ACSM3: variants seen among roughly 807,000 people sequenced by gnomAD.
ACSM3 encodes acyl-coenzyme A synthetase ACSM3, mitochondrial.
In ACSM3, 61 loss-of-function variants were observed where a neutral mutation model predicts 74.1. The ratio of observed to expected loss-of-function variants is 0.82; its 90% CI spans 0.67 to 1.02. ACSM3 has a LOEUF of 1.02. Among genes scored for constraint, ACSM3 ranks in the 50% least tolerant of loss-of-function variants. The pLI is 0.00. For synonymous variants in ACSM3, 213 were observed against 241.5 expected (o/e 0.88, Z 1.09); for missense variants, 660 against 697.0 (o/e 0.95, Z 0.60).
rs1465574328 is a variant in ACSM3 at position 20,775,880 on chromosome 16, C to T, written c.261C>T (p.Asn87=). The T allele has an allele frequency of 1.2e-6, 2 of 1,614,016 alleles. No individual in the cohort carries two copies. The highest frequency in any genetic ancestry group is 1.7e-6 in the Non-Finnish European group (2 of 1,180,026). ...KPSNPAFWWI[N]RNGEEMRWSF... ...CAAATCCAGCCTTCTGGTGGATCAA[C>T]AGAAATGGAGAAGAGATGCGATGGA... Residue 87 remains asparagine (N), a synonymous_variant, in exon 3 of 14, where the codon AAC becomes AAT. Coordinates refer to ENST00000289416, the MANE Select transcript of ACSM3 (RefSeq NM_005622.4).
intron 1 of ACSM3, among the ~76,000 whole-genome samples, chr16:20,709,714 A>C (rs909088042): frequency 1.3e-5 from 2 of 152,226 alleles, no homozygotes; most frequent in South Asian, 2.1e-4. Flanking sequence ...AGAAGGGATG[A>C]TATTTAAAAG....
In ACSM3 at chr16:20,693,488, G is replaced by A. The variant is rs150403604; in HGVS notation, c.-190+18666G>A. The stretch of plus-strand genomic sequence containing the variant: ...TTTCTCAAACAGCTTTGAGATTGAA[G>A]CACTTTATCATCATGAACATTTAAG... On this transcript the variant is annotated intron_variant, in intron 1 of 3. Coordinates refer to the ACSM3 transcript ENST00000561584. Among the ~76,000 whole-genome samples, 3 of 152,302 alleles carry A rather than the reference G, an allele frequency of 2.0e-5. No individual in the cohort carries two copies. The East Asian group carries it at 5.8e-4, about 29-fold the overall frequency.
intron 1 of ACSM3, among the ~76,000 whole-genome samples, chr16:20,707,196 C>G (rs959847395): frequency 6.6e-6 from 1 of 152,160 alleles, no homozygotes; most frequent in Non-Finnish European, 1.5e-5. Flanking sequence ...CATAGCAGAT[C>G]CTGAAAAGGC....
intron 1 of ACSM3, chr16:20,718,573 C>T (rs1377489851): frequency 8.7e-6 from 2 of 229,680 alleles, no homozygotes; most frequent in East Asian, 8.5e-5. Context: ...CGATACTTCT[C>T]CTTGAATTGC....
intron 2 of ACSM3, 132 bp downstream of exon 2, chr16:20,770,385 C>G (rs2080178056): frequency 1.4e-6 from 1 of 731,646 alleles, no homozygotes; most frequent in East Asian, 2.7e-5. Context: ...TGGCATCTAA[C>G]AGGTAAAAGC....
chr16:20,757,208 C>T (rs1365703105), intron 3 of ACSM3, among the ~76,000 whole-genome samples: 1 of 152,196 alleles, frequency 6.6e-6, no homozygotes, highest in African/African-American at 2.4e-5. Flanking sequence ...GGCATTGAAT[C>T]TATACATTAC....
rs554872405 is a variant in ACSM3, at chr16:20,786,430, C to T, written c.1224+272C>T. 2.0e-4 allele frequency: 117 copies of T among 571,430 alleles called. 1 individual carries two copies. The South Asian group carries it at 8.2e-3, about 40-fold the overall frequency. 35.4% of individuals were successfully genotyped at this position (571,430 alleles called of 1,614,324 possible). A position where few individuals can be genotyped will look rare whatever the true frequency, so the allele number is the denominator to read the frequency against. The stretch of plus-strand genomic sequence containing the variant: ...ATGCAGTGGCTCACGCCTGTAATCC[C>T]AACACTTTGGGAGGCCAAGGCGGGA... On this transcript the variant is annotated intron_variant, in intron 9 of 13. Transcript: ENST00000289416.
chr16:20,790,043 G>A lies in ACSM3; in HGVS notation c.1225-544G>A, dbSNP rs2080563272. Among the ~76,000 whole-genome samples the A allele has an allele frequency of 6.6e-6, 1 of 151,802 alleles. No individual in the cohort carries two copies. Among genetic ancestry groups the A allele is most frequent in the Non-Finnish European group, 1.5e-5 (1 of 67,956 alleles). On this transcript the variant is annotated intron_variant, in intron 9 of 13. Transcript: ENST00000289416. This position sits in a 1 kb window ranked among gnomAD's most constrained non-coding sequence, Gnocchi z 4.0. ...TACCAAAATGTGATTATTGCTGGAT[G>A]GTAAAATTTTTAAAAAATTTTATCC... is the stretch of plus-strand genomic sequence containing the variant.
Position 20,790,861 on chromosome 16 carries a change from C to T in ACSM3, c.1326+173C>T. 3 of 1,614,022 alleles carry T rather than the reference C, an allele frequency of 1.9e-6. No homozygotes were observed. Among genetic ancestry groups the T allele is most frequent in the Non-Finnish European group, 2.5e-6 (3 of 1,179,958 alleles). ...AATTGAAGAAATACCCAAATTCTTG[C>T]TGAAGAAAAGCATGCTGGTCCCCTG... On this transcript the variant is annotated intron_variant, in intron 10 of 13. Transcript: ENST00000289416. This position sits in a 1 kb window ranked among gnomAD's most constrained non-coding sequence, Gnocchi z 4.0.
chr16:20,786,354 A>G (rs1304083586), intron 9 of ACSM3, 196 bp downstream of exon 9: 4 of 1,146,304 alleles, frequency 3.5e-6, no homozygotes, highest in Non-Finnish European at 4.7e-6. Flanking sequence ...AAATACCCAT[A>G]TTGTACCATA....
At position 20,781,795 on chromosome 16, in the gene ACSM3, A is replaced by G; in HGVS notation, c.1019+8A>G. On this transcript the variant is annotated splice_region_variant and intron_variant, in intron 7 of 13. Transcript: ENST00000289416. ...ACAGAATGATATAACCAGGTAAGAA[A>G]TGTTAGTAAATAGGCATCTAGTGGG... 6.3e-7 allele frequency: 1 copy of G among 1,590,782 alleles called. No homozygotes were observed. Among genetic ancestry groups the G allele is most frequent in the Non-Finnish European group, 8.6e-7 (1 of 1,158,884 alleles).
chr16:20,728,259 T>A (rs548103204), intron 1 of ACSM3: 5 of 438,566 alleles, frequency 1.1e-5, no homozygotes, highest in East Asian at 4.5e-5. Flanking sequence ...TGAGAAAATA[T>A]CTGACCGGTT....
At chr16:20,729,884 A>G (rs1464800358) in intron 1 of ACSM3, among the ~76,000 whole-genome samples, 1 of 151,816 alleles carries the variant, frequency 6.6e-6, no homozygotes, top group Non-Finnish European at 1.5e-5. Context: ...GTCTCTCTCC[A>G]TTTTTGGCTC....
intron 1 of ACSM3, chr16:20,736,119 G>A (rs1220994922): frequency 6.6e-6 from 1 of 152,158 alleles, no homozygotes; most frequent in Non-Finnish European, 1.5e-5. Context: ...GCATGTCACA[G>A]ACAATGCACA....
chr16:20,686,389 C>T (rs1215799200), intron 1 of ACSM3, among the ~76,000 whole-genome samples: 5 of 152,016 alleles, frequency 3.3e-5, no homozygotes, highest in African/African-American at 4.8e-5. Context: ...GAAAACCAAA[C>T]AAATGCCCCC....
chr16:20,785,866 A>G (rs1264732737), intron 8 of ACSM3, among the ~76,000 whole-genome samples: 1 of 152,216 alleles, frequency 6.6e-6, no homozygotes, highest in African/African-American at 2.4e-5. Flanking sequence ...GTTTTGATAA[A>G]TATGGATATA....
chr16:20,717,956 GGAAGAAGAA>G (rs746227909), intron 1 of ACSM3, among the ~76,000 whole-genome samples: 3,135 of 74,068 alleles, frequency 0.042, 64 homozygotes, highest in Middle Eastern at 0.096. Context: ...AAGAGGAAGA[GGAAGAAGAA>G]GAAGAAGAAG....
intron 1 of ACSM3, among the ~76,000 whole-genome samples, chr16:20,729,027 C>A (rs552444877): frequency 2.0e-4 from 31 of 152,296 alleles, no homozygotes; most frequent in Middle Eastern, 3.4e-3. Flanking sequence ...AGGATTGCTA[C>A]AGCCTGGGAG....
intron 1 of ACSM3, among the ~76,000 whole-genome samples, chr16:20,701,679 C>G (rs1474616423): frequency 6.6e-6 from 1 of 152,094 alleles, no homozygotes; most frequent in Non-Finnish European, 1.5e-5. Flanking sequence ...TATCCTAATG[C>G]TCTCCCTCCC....
Sources: gnomAD v4.1 joint callset for allele counts (sites outside exome capture counted in the v4.1 genomes callset) on GRCh38, gnomAD v4.1.1 for gene constraint, Gnocchi (gnomAD v3.1) non-coding constraint, MANE v1.5 for transcripts, NCBI Gene and HGNC (gene_info 2026-07-23, HGNC 2026-07-21) for gene names.